Variants in TUBGCP3 observed in about 807,000 individuals in gnomAD.
The protein encoded by TUBGCP3 is gamma-tubulin complex component 3.
TUBGCP3 carries 50 observed loss-of-function variants against 123.1 expected under a neutral mutation model. The observed-to-expected ratio is 0.41, with a 90% CI of 0.32 to 0.51. TUBGCP3 has a LOEUF of 0.51. TUBGCP3 is among the 20% of genes least tolerant of loss of function. TUBGCP3 has a pLI of 0.36. For synonymous variants in TUBGCP3, 405 were observed against 413.9 expected, an observed-to-expected ratio of 0.98 and a Z score of 0.26; for missense variants, 882 against 1,127.0, an observed-to-expected ratio of 0.78 and a Z score of 3.11.
intron 14 of TUBGCP3, chr13:112,521,747 C>G (rs1388892238): frequency 1.0e-6 from 1 of 985,250 alleles, no homozygotes; most frequent in Non-Finnish European, 1.2e-6. Flanking sequence ...AGGCTGTGGA[C>G]CCCTGGGATG....
At chr13:112,554,015 A>T (rs766469869) in intron 8 of TUBGCP3, 42 bp downstream of exon 8, 5 of 1,590,548 alleles carry the variant, frequency 3.1e-6, no homozygotes, top group Non-Finnish European at 1.7e-6. Flanking sequence ...AGCGTTTCCC[A>T]AAGTGCGCAG....
chr13:112,560,378 C>G (rs1202687901), intron 3 of TUBGCP3, among the ~76,000 whole-genome samples: 8 of 150,302 alleles, frequency 5.3e-5, no homozygotes, highest in African/African-American at 2.0e-4. Context: ...TGCAGTGAGC[C>G]GAGATCCCGC....
At position 112,526,868 on chromosome 13, in the gene TUBGCP3, G is replaced by A; in HGVS notation, c.1555+74C>T. ...ACGTCATCAACATCACTGTTACCAT[G>A]AGTATCACCATCCTCACATCATCAT... On this transcript the variant is annotated intron_variant, in intron 13 of 21. Coordinates refer to ENST00000261965, the MANE Select transcript of TUBGCP3 (RefSeq NM_006322.6). The A allele has an allele frequency of 3.7e-6, 4 of 1,073,686 alleles. No homozygotes were observed. In the Admixed American group the frequency reaches 5.4e-5, roughly 14 times the overall value. 66.5% of individuals were successfully genotyped at this position (1,073,686 alleles called of 1,614,324 possible).
Position 112,527,056 on chromosome 13 carries a change from A to C in TUBGCP3, c.1447-6T>G, listed in dbSNP as rs1377318019. 4 of 1,602,860 alleles carry C rather than the reference A, an allele frequency of 2.5e-6. No individual in the cohort carries two copies. The highest frequency in any genetic ancestry group is 2.6e-6 in the Non-Finnish European group (3 of 1,169,924). On this transcript the variant is annotated splice_region_variant and splice_polypyrimidine_tract_variant and intron_variant, in intron 12 of 21. Transcript: ENST00000261965. ...GATTTTCCTATCAAAAGGACCTAAA[A>C]AGAAAAACATTCTATGATTACTTTT...
intron 20 of TUBGCP3, chr13:112,498,753 G>A (rs1566532243): frequency 7.2e-6 from 11 of 1,520,360 alleles, no homozygotes; most frequent in South Asian, 1.3e-5. Context: ...AGATTCCGAC[G>A]GGTGACATCG....
chr13:112,560,187 T>C (rs1349191182), intron 3 of TUBGCP3, among the ~76,000 whole-genome samples: 1 of 148,692 alleles, frequency 6.7e-6, no homozygotes, highest in Non-Finnish European at 1.5e-5. Context: ...TCCCAGCACT[T>C]TGGGAGGCCG....
In TUBGCP3 at chr13:112,588,055, G is replaced by C. The variant is rs892567289; in HGVS notation, c.-75C>G. ...CGCACGCGCAGGGACCGCGGCCCGC[G>C]CCCTTCCTGCGCCCCGCAAGCTCCC... is the stretch of plus-strand genomic sequence containing the variant. On this transcript the variant is annotated 5_prime_UTR_variant, in exon 1 of 22. Coordinates refer to ENST00000261965, the MANE Select transcript of TUBGCP3 (RefSeq NM_006322.6). 2 of 1,239,594 alleles carry C rather than the reference G, an allele frequency of 1.6e-6. No homozygotes were observed. The highest frequency in any genetic ancestry group is 6.2e-5 in the East Asian group (2 of 32,130). 76.8% of individuals were successfully genotyped at this position (1,239,594 alleles called of 1,614,324 possible).
chr13:112,560,631 T>C (rs1044248790), intron 3 of TUBGCP3, among the ~76,000 whole-genome samples: 3 of 152,246 alleles, frequency 2.0e-5, no homozygotes, highest in African/African-American at 4.8e-5. Flanking sequence ...TAAGTACCTT[T>C]ATTTACATAA....
At chr13:112,538,569 A>G (rs577872051) in intron 11 of TUBGCP3, among the ~76,000 whole-genome samples, 1 of 152,336 alleles carries the variant, frequency 6.6e-6, no homozygotes, top group South Asian at 2.1e-4. Flanking sequence ...AATCTGCTGT[A>G]GTGCCCCACT....
intron 19 of TUBGCP3, among the ~76,000 whole-genome samples, chr13:112,500,155 A>C (rs1880808148): frequency 6.6e-6 from 1 of 152,194 alleles, no homozygotes; most frequent in Non-Finnish European, 1.5e-5. Flanking sequence ...GGTTTGAAAA[A>C]ACACACTAAC....
chr13:112,504,846 G>T (rs1421330857), intron 17 of TUBGCP3, 132 bp from the exon 18 acceptor site: 1 of 714,688 alleles, frequency 1.4e-6, no homozygotes, highest in Non-Finnish European at 2.4e-6. Flanking sequence ...CCCTTAACAG[G>T]AAACAACCTC....
At chr13:112,574,701 T>C (rs1881675836) in intron 1 of TUBGCP3, among the ~76,000 whole-genome samples, 1 of 152,080 alleles carries the variant, frequency 6.6e-6, no homozygotes, top group Non-Finnish European at 1.5e-5. Context: ...CAAAAATACA[T>C]AAAACACCTC....
the TUBGCP3 span, among the ~76,000 whole-genome samples, chr13:112,600,781 G>A: frequency 1.3e-5 from 2 of 152,106 alleles, no homozygotes; most frequent in African/African-American, 4.8e-5. Context: ...AATCATTTTC[G>A]CCTATATTCT....
chr13:112,547,173 CAGA>C (rs1879077740), intron 10 of TUBGCP3: 1 of 349,628 alleles, frequency 2.9e-6, no homozygotes, highest in African/African-American at 2.1e-5. Context: ...TCCCTGACTG[CAGA>C]AGGACTAAAG....
chr13:112,550,955 C>T (rs1298611036), intron 8 of TUBGCP3, among the ~76,000 whole-genome samples: 2 of 152,040 alleles, frequency 1.3e-5, no homozygotes, highest in African/African-American at 4.8e-5. Flanking sequence ...AAAAATTAGC[C>T]GGGCGTGGTG....
intron 7 of TUBGCP3, among the ~76,000 whole-genome samples, 176 bp from the exon 8 acceptor site, chr13:112,554,358 T>C (rs1487407351): frequency 2.6e-5 from 4 of 152,168 alleles, no homozygotes; most frequent in African/African-American, 9.7e-5. Flanking sequence ...GACAGCATGA[T>C]GGAAAGCACC....
intron 2 of TUBGCP3, among the ~76,000 whole-genome samples, chr13:112,565,964 G>A (rs1400317090): frequency 6.6e-6 from 1 of 151,770 alleles, no homozygotes; most frequent in Admixed American, 6.6e-5. Context: ...ACACAGCAAT[G>A]TGTCATCTTG....
intron 16 of TUBGCP3, among the ~76,000 whole-genome samples, chr13:112,518,544 TA>T (rs1165701463): frequency 6.6e-6 from 1 of 152,224 alleles, no homozygotes; most frequent in Non-Finnish European, 1.5e-5. Flanking sequence ...GTAAAAGCAC[TA>T]TGAACAAAGT....
Position 112,569,153 on chromosome 13 carries a change from CTCTT to C in TUBGCP3, c.179_182del (p.Lys60SerfsTer27). 1 of 1,614,012 alleles carries C rather than the reference CTCTT, an allele frequency of 6.2e-7. No homozygotes were observed. The highest frequency in any genetic ancestry group is 8.5e-7 in the Non-Finnish European group (1 of 1,179,946). ...ATGACATTTAAGAAAAATACGTACG[CTCTT>C]TCTTGATTTTTTCAGCTACTAAAAA... On this transcript the variant is annotated frameshift_variant and splice_region_variant, in exon 2 of 22. Transcript: ENST00000261965. LOFTEE classifies it high-confidence loss of function.
Sources: gnomAD v4.1 joint callset for allele counts (sites outside exome capture counted in the v4.1 genomes callset) on GRCh38, gnomAD v4.1.1 for gene constraint, MANE v1.5 for transcripts, NCBI Gene and HGNC (gene_info 2026-07-23, HGNC 2026-07-21) for gene names.